Variants in SGCZ observed in about 807,000 individuals in gnomAD.
SGCZ encodes the protein sarcoglycan zeta.
A neutral mutation model predicts 41.3 loss-of-function variants in SGCZ; 40 were observed. The ratio of observed to expected loss-of-function variants is 0.97; its 90% CI spans 0.75 to 1.26. The LOEUF (loss-of-function observed/expected upper bound fraction) is 1.26, where lower values mean the gene tolerates loss of function less well. Ranked by LOEUF, SGCZ falls within the 50% of genes most tolerant of loss-of-function variation. The pLI is 0.00. For missense variants in SGCZ, 552 were observed against 369.8 expected (o/e 1.49, Z -4.04); for synonymous variants, 206 against 137.5 (o/e 1.50, Z -3.49).
At chr8:14,155,343 C>T (rs117070037) in intron 5 of SGCZ, among the ~76,000 whole-genome samples, 320 of 152,152 alleles carry the variant, frequency 2.1e-3, no homozygotes, top group Non-Finnish European at 3.4e-3. Flanking sequence ...TGCCTGATGT[C>T]TCTTTGGCCC....
intron 1 of SGCZ, among the ~76,000 whole-genome samples, chr8:14,844,704 C>G (rs757471674): frequency 6.6e-6 from 1 of 152,094 alleles, no homozygotes; most frequent in Non-Finnish European, 1.5e-5. Context: ...TGTCTAAAAA[C>G]ATAAGGTCCT....
intron 3 of SGCZ, among the ~76,000 whole-genome samples, chr8:14,297,537 C>T (rs945262227): frequency 6.6e-6 from 1 of 151,232 alleles, no homozygotes; most frequent in African/African-American, 2.4e-5. Flanking sequence ...AAAGAGAAAA[C>T]CAAAATTACC....
chr8:14,865,572 G>A (rs931041846), intron 1 of SGCZ, among the ~76,000 whole-genome samples: 1 of 152,080 alleles, frequency 6.6e-6, no homozygotes, highest in Non-Finnish European at 1.5e-5. Flanking sequence ...AGCATGACAC[G>A]TTTTGCATTC....
At chr8:14,459,201 G>A (rs1213605773) in intron 2 of SGCZ, among the ~76,000 whole-genome samples, 1 of 152,066 alleles carries the variant, frequency 6.6e-6, no homozygotes, top group Non-Finnish European at 1.5e-5. Context: ...TTCACTCATA[G>A]GTGGGAATTG....
At chr8:14,676,475 T>C (rs1244961641) in intron 1 of SGCZ, among the ~76,000 whole-genome samples, 2 of 152,126 alleles carry the variant, frequency 1.3e-5, no homozygotes, top group Non-Finnish European at 1.5e-5. Context: ...GGTATGATTG[T>C]GCTATGGCAC....
chr8:14,294,849 A>G (rs1246560008), intron 3 of SGCZ, among the ~76,000 whole-genome samples: 1 of 152,136 alleles, frequency 6.6e-6, no homozygotes, highest in Non-Finnish European at 1.5e-5. Context: ...AATTAAAACT[A>G]CAGTGCACTG....
intron 1 of SGCZ, among the ~76,000 whole-genome samples, chr8:15,148,441 C>T (rs1799092232): frequency 6.6e-6 from 1 of 152,108 alleles, no homozygotes; most frequent in Non-Finnish European, 1.5e-5. Context: ...GCTGTGTGAC[C>T]TCCTGGGTAT....
At chr8:14,851,297 A>G (rs185488479) in intron 1 of SGCZ, among the ~76,000 whole-genome samples, 1 of 133,754 alleles carries the variant, frequency 7.5e-6, no homozygotes, top group Non-Finnish European at 1.5e-5. Context: ...TGAACCTGGG[A>G]GGCAGAGCTT....
At chr8:14,189,731 A>G (rs1440010215) in intron 4 of SGCZ, among the ~76,000 whole-genome samples, 1 of 151,978 alleles carries the variant, frequency 6.6e-6, no homozygotes, top group Non-Finnish European at 1.5e-5. Context: ...CATTCCTCCC[A>G]TCACTTTTTT....
chr8:14,232,909 G>A (rs1012518707), intron 4 of SGCZ, among the ~76,000 whole-genome samples: 4 of 151,992 alleles, frequency 2.6e-5, no homozygotes, highest in Admixed American at 6.6e-5. Flanking sequence ...TCAGAAGAAT[G>A]ACATTCAGTT....
intron 2 of SGCZ, among the ~76,000 whole-genome samples, chr8:14,394,245 G>C (rs2117225982): frequency 6.7e-6 from 1 of 149,012 alleles, no homozygotes; most frequent in African/African-American, 2.5e-5. Context: ...CTGCCTCCCA[G>C]GTTTAAGTGA....
At chr8:14,938,198 A>G (rs1800147454) in intron 1 of SGCZ, among the ~76,000 whole-genome samples, 1 of 152,222 alleles carries the variant, frequency 6.6e-6, no homozygotes, top group African/African-American at 2.4e-5. Flanking sequence ...TTTATACTGT[A>G]GCTGTAACTG....
chr8:15,010,329 A>G (rs1321952471), intron 1 of SGCZ, among the ~76,000 whole-genome samples: 3 of 152,234 alleles, frequency 2.0e-5, no homozygotes, highest in African/African-American at 7.2e-5. Context: ...AATTTTACAA[A>G]AGATATAATT....
intron 4 of SGCZ, among the ~76,000 whole-genome samples, chr8:14,173,585 T>C (rs1393661793): frequency 6.6e-6 from 1 of 151,950 alleles, no homozygotes; most frequent in African/African-American, 2.4e-5. Context: ...CAGAGATAAA[T>C]GAAGACTAGG....
At chr8:14,648,128 AG>A (rs1807284621) in intron 1 of SGCZ, among the ~76,000 whole-genome samples, 4 of 152,206 alleles carry the variant, frequency 2.6e-5, no homozygotes, top group African/African-American at 9.6e-5. Flanking sequence ...CCTCCTTAAA[AG>A]TTAAAAGTAT....
chr8:15,075,252 C>T lies in SGCZ; in HGVS notation c.39+162333G>A, dbSNP rs145869442. 3.9e-4 allele frequency among the ~76,000 whole-genome samples: 59 copies of T among 152,042 alleles called. 1 individual carries two copies. The highest frequency in any genetic ancestry group is 1.3e-3 in the African/African-American group (55 of 41,488). On this transcript the variant is annotated intron_variant, in intron 1 of 7. Coordinates refer to ENST00000382080, the MANE Select transcript of SGCZ (RefSeq NM_139167.4). ...AAAAAAAAAAATGGATTATCATTCC[C>T]GCTTAGGGTTAGGTACTTCTAGACT...
At chr8:14,384,382 G>A (rs761502593) in intron 2 of SGCZ, among the ~76,000 whole-genome samples, 2 of 152,016 alleles carry the variant, frequency 1.3e-5, no homozygotes, top group Non-Finnish European at 2.9e-5. Flanking sequence ...GTCGACCAAC[G>A]ATAGACTGGA....
chr8:15,224,158 A>G (rs1486405912), intron 1 of SGCZ, among the ~76,000 whole-genome samples: 1 of 152,164 alleles, frequency 6.6e-6, no homozygotes, highest in Non-Finnish European at 1.5e-5. Flanking sequence ...GCCCAGCCAA[A>G]AAGCTTCTTT....
chr8:15,218,011 G>A (rs1172439695), intron 1 of SGCZ, among the ~76,000 whole-genome samples: 2 of 152,090 alleles, frequency 1.3e-5, no homozygotes, highest in Non-Finnish European at 2.9e-5. Context: ...ACTTCACCCT[G>A]GGAGGCGGAG....
Sources: allele counts gnomAD v4.1 joint callset (sites outside exome capture counted in the v4.1 genomes callset), GRCh38; gene constraint gnomAD v4.1.1; transcripts MANE v1.5; gene names NCBI Gene and HGNC (gene_info 2026-07-23, HGNC 2026-07-21).